The following TRPM3 variants were observed in gnomAD, a reference collection of about 807,000 sequenced individuals.
TRPM3 encodes transient receptor potential cation channel subfamily M member 3.
A neutral mutation model predicts 181.2 loss-of-function variants in TRPM3; 77 were observed. The ratio of observed to expected loss-of-function variants is 0.42; its 90% CI spans 0.35 to 0.51. TRPM3 has a LOEUF of 0.51. Ranked by LOEUF, TRPM3 falls within the 20% of genes least tolerant of loss-of-function variation. The pLI is 0.01. For missense variants in TRPM3, 1,759 were observed against 2,196.7 expected, an observed-to-expected ratio of 0.80 and a Z score of 3.98; for synonymous variants, 745 against 796.4, an observed-to-expected ratio of 0.94 and a Z score of 1.09.
At chr9:71,277,412 A>C (rs1234586547) in intron 1 of TRPM3, among the ~76,000 whole-genome samples, 2 of 152,232 alleles carry the variant, frequency 1.3e-5, no homozygotes, top group Non-Finnish European at 2.9e-5. Context: ...TATATAATTC[A>C]ATAAAAATAG....
chr9:70,863,312 T>C (rs1325897609), intron 2 of TRPM3, among the ~76,000 whole-genome samples, 200 bp from the exon 3 acceptor site: 2 of 152,246 alleles, frequency 1.3e-5, no homozygotes, highest in East Asian at 1.9e-4. Flanking sequence ...TTCTCCCCTC[T>C]ACCCATTTTC....
At chr9:71,386,464 G>C (rs1290083982) in intron 1 of TRPM3, among the ~76,000 whole-genome samples, 1 of 150,844 alleles carries the variant, frequency 6.6e-6, no homozygotes, top group Admixed American at 6.6e-5. Flanking sequence ...AAAAAAAAAA[G>C]ATAGCAAATA....
chr9:70,957,267 ATTTTAT>A (rs2097087578), intron 1 of TRPM3, among the ~76,000 whole-genome samples: 1 of 151,890 alleles, frequency 6.6e-6, no homozygotes, highest in Non-Finnish European at 1.5e-5. Flanking sequence ...CCTGGCCAAC[ATTTTAT>A]TTTTAAAGGA....
chr9:70,969,291 G>C (rs765659343), intron 1 of TRPM3, among the ~76,000 whole-genome samples: 2 of 152,020 alleles, frequency 1.3e-5, no homozygotes, highest in African/African-American at 2.4e-5. Flanking sequence ...GGGGGCTAGG[G>C]GAGGGATAGC....
At chr9:70,791,862 T>G (rs1445455537) in intron 6 of TRPM3, among the ~76,000 whole-genome samples, 1 of 152,248 alleles carries the variant, frequency 6.6e-6, no homozygotes, top group Non-Finnish European at 1.5e-5. Flanking sequence ...ATCTATTTTG[T>G]GCATTCTCAG....
Position 70,625,213 on chromosome 9 carries a change from T to G in TRPM3, c.1787A>C (p.His596Pro), listed in dbSNP as rs770482901. 10 of 1,614,026 alleles carry G rather than the reference T, an allele frequency of 6.2e-6. No homozygotes were observed. The highest frequency in any genetic ancestry group is 8.5e-6 in the Non-Finnish European group (10 of 1,179,982). ...YTRKRFRTLY[H>P]NLFGPKRPKA... Reference sequence around the variant, plus strand: ...CACCCTCTTGGGGCCGAAGAGGTTGTGGTAGAGGGTCCGGAAGCGCTTGCG... The same window carrying G: ...CACCCTCTTGGGGCCGAAGAGGTTGGGGTAGAGGGTCCGGAAGCGCTTGCG... The change falls in exon 14 of 26, where the codon CAC becomes CCC. Residue 596 changes from histidine (H) to proline (P), a missense_variant. Physicochemically the swap from His to Pro is moderately conservative, Grantham distance 77. Transcript: ENST00000677713. The surrounding 1 kb of genome is among the most constrained non-coding windows in gnomAD (Gnocchi z 4.8).
At chr9:71,205,301 C>T (rs1209248541) in intron 1 of TRPM3, among the ~76,000 whole-genome samples, 4 of 151,936 alleles carry the variant, frequency 2.6e-5, no homozygotes, top group African/African-American at 7.3e-5. Flanking sequence ...GGAACAAGAA[C>T]GATTATTTCT....
At chr9:71,002,009 G>T (rs909772835) in intron 1 of TRPM3, among the ~76,000 whole-genome samples, 4 of 151,156 alleles carry the variant, frequency 2.6e-5, no homozygotes, top group Non-Finnish European at 5.9e-5. Context: ...ACAGACAGAG[G>T]AACTACACTT....
intron 1 of TRPM3, among the ~76,000 whole-genome samples, chr9:71,220,240 T>C (rs2080151700): frequency 6.6e-6 from 1 of 152,180 alleles, no homozygotes; most frequent in Non-Finnish European, 1.5e-5. Context: ...ATCTAGACTA[T>C]TAGATTTTAC....
intron 1 of TRPM3, among the ~76,000 whole-genome samples, chr9:71,280,691 T>C (rs117681443): frequency 3.7e-4 from 57 of 152,304 alleles, no homozygotes; most frequent in Non-Finnish European, 7.4e-4. Context: ...TTTGTGCAGG[T>C]CCTTGAAGGT....
At chr9:71,348,640 G>A (rs2091432170) in intron 1 of TRPM3, among the ~76,000 whole-genome samples, 1 of 151,568 alleles carries the variant, frequency 6.6e-6, no homozygotes, top group African/African-American at 2.4e-5. Context: ...CGCAATCTCC[G>A]CTCACTGCAG....
intron 1 of TRPM3, among the ~76,000 whole-genome samples, chr9:71,117,367 G>T (rs1274344826): frequency 6.6e-6 from 1 of 152,118 alleles, no homozygotes. Context: ...TATTAGGTGG[G>T]TGAAAATGTA....
At chr9:71,214,153 A>G (rs914109672) in intron 1 of TRPM3, among the ~76,000 whole-genome samples, 1 of 152,168 alleles carries the variant, frequency 6.6e-6, no homozygotes, top group African/African-American at 2.4e-5. Flanking sequence ...AACTCATTTG[A>G]CATTAATAAA....
At chr9:70,805,820 TCA>T (rs1440325085) in intron 6 of TRPM3, among the ~76,000 whole-genome samples, 1 of 152,182 alleles carries the variant, frequency 6.6e-6, no homozygotes, top group East Asian at 1.9e-4. Flanking sequence ...CCCAAACTCT[TCA>T]TGCAGGCACA....
At chr9:71,219,698 G>T (rs992371457) in intron 1 of TRPM3, among the ~76,000 whole-genome samples, 3 of 152,306 alleles carry the variant, frequency 2.0e-5, no homozygotes, top group African/African-American at 7.2e-5. Flanking sequence ...GACATGGTAT[G>T]AACAACATTA....
intron 1 of TRPM3, among the ~76,000 whole-genome samples, chr9:71,271,945 ACTT>A (rs1239533749): frequency 1.3e-5 from 2 of 152,198 alleles, no homozygotes; most frequent in Admixed American, 6.5e-5. Context: ...GGCTCGTCTT[ACTT>A]CTTGTGAAGA....
chr9:71,372,912 T>C, intron 1 of TRPM3, among the ~76,000 whole-genome samples: 1 of 152,042 alleles, frequency 6.6e-6, no homozygotes. Context: ...AGAACTGAAA[T>C]AATAAACAGT....
At chr9:71,153,385 G>C (rs1180460403) in intron 1 of TRPM3, among the ~76,000 whole-genome samples, 1 of 150,968 alleles carries the variant, frequency 6.6e-6, no homozygotes, top group African/African-American at 2.4e-5. Context: ...TAGCCTCCTG[G>C]GTTCAAGCAG....
At chr9:71,015,822 G>A (rs2097779689) in intron 1 of TRPM3, among the ~76,000 whole-genome samples, 1 of 152,122 alleles carries the variant, frequency 6.6e-6, no homozygotes, top group South Asian at 2.1e-4. Context: ...ATATTCATGT[G>A]TCACACTGAG....
Sources: gnomAD v4.1 joint callset for allele counts (sites outside exome capture counted in the v4.1 genomes callset) on GRCh38, gnomAD v4.1.1 for gene constraint, Gnocchi (gnomAD v3.1) non-coding constraint, MANE v1.5 for transcripts, NCBI Gene and HGNC (gene_info 2026-07-23, HGNC 2026-07-21) for gene names.